The following SYNPO2 variants were observed in gnomAD, a reference collection of about 807,000 sequenced individuals.
SYNPO2 encodes synaptopodin-2.
Under a neutral mutation model 85.0 loss-of-function variants are expected in SYNPO2, and 56 were observed. The ratio of observed to expected loss-of-function variants is 0.66; its 90% CI spans 0.53 to 0.82. SYNPO2 has a LOEUF of 0.82. SYNPO2 is among the 40% of genes least tolerant of loss of function. The pLI is 0.00. For missense variants in SYNPO2, 1,575 were observed against 1,534.2 expected (o/e 1.03, Z -0.44); for synonymous variants, 602 against 591.1 (o/e 1.02, Z -0.27).
rs995268783 is a variant in SYNPO2 at position 118,968,471 on chromosome 4, T to C, written c.106-54959T>C. On this transcript the variant is annotated intron_variant, in intron 1 of 4. Coordinates refer to ENST00000307142, the MANE Select transcript of SYNPO2 (RefSeq NM_133477.3). ...GCTCCAGTCCACTCTCCCAACTCAG[T>C]AGGAAAAGTGAGTGACAGATTTTCT... 7.9e-5 allele frequency among the ~76,000 whole-genome samples: 12 copies of C among 152,260 alleles called. No individual in the cohort carries two copies. The East Asian group carries it at 1.4e-3, about 17-fold the overall frequency.
intron 4 of SYNPO2, among the ~76,000 whole-genome samples, chr4:119,057,055 G>C (rs1018634742): frequency 5.3e-5 from 8 of 152,186 alleles, no homozygotes; most frequent in Non-Finnish European, 1.2e-4. Context: ...GAGAAGGAAA[G>C]GTGGTTCCTA....
chr4:118,995,895 T>TATC (rs1553944835), intron 1 of SYNPO2, among the ~76,000 whole-genome samples: 90 of 148,886 alleles, frequency 6.0e-4, no homozygotes, highest in African/African-American at 2.2e-3. Flanking sequence ...TCTATCTATC[T>TATC]ATCTATCTAT....
rs142595771 is a variant in SYNPO2, at chr4:119,036,277, G to A, written c.3252+4250G>A. The A allele has an allele frequency of 4.8e-4, 472 of 985,398 alleles. 4 individuals are homozygous for A. The African/African-American group carries it at 7.4e-3, about 16-fold the overall frequency. 61.0% of individuals were successfully genotyped at this position (985,398 alleles called of 1,614,324 possible). A position where few individuals can be genotyped will look rare whatever the true frequency, so the allele number is the denominator to read the frequency against. ...CGTGTGCTCATTCTCTTTAAAATCA[G>A]GGTTGTTGAGTTTGTTTTTAAACAT... On this transcript the variant is annotated intron_variant, in intron 4 of 4. Coordinates refer to ENST00000307142, the MANE Select transcript of SYNPO2 (RefSeq NM_133477.3).
intron 1 of SYNPO2, among the ~76,000 whole-genome samples, chr4:118,879,012 T>C (rs6846781): frequency 0.66 from 100,174 of 152,044 alleles, 33,692 homozygotes; most frequent in East Asian, 0.72. Flanking sequence ...AGCGAGACCA[T>C]GAACCCACAG....
At chr4:119,012,334 C>T (rs1282527810) in intron 1 of SYNPO2, among the ~76,000 whole-genome samples, 5 of 148,806 alleles carry the variant, frequency 3.4e-5, no homozygotes, top group Admixed American at 3.3e-4. Flanking sequence ...TGGTTTTAGT[C>T]TTGCTCTTTT....
chr4:119,013,080 A>C (rs1033505588), intron 1 of SYNPO2, among the ~76,000 whole-genome samples: 1 of 152,164 alleles, frequency 6.6e-6, no homozygotes. Context: ...TAATTTTAGT[A>C]ATAATACTAA....
rs1428459753 is a variant in SYNPO2 at position 118,898,889 on chromosome 4, T to C, written c.105+9748T>C. On this transcript the variant is annotated intron_variant, in intron 1 of 4. Coordinates refer to ENST00000307142, the MANE Select transcript of SYNPO2 (RefSeq NM_133477.3). ...TCCTCCCTGGTTGCTTCATCCCTGC[T>C]GTGTCCTTGGCTGGAATGCTTGTCC... Among the ~76,000 whole-genome samples the C allele has an allele frequency of 2.6e-5, 4 of 152,256 alleles. No individual in the cohort carries two copies. In the East Asian group the frequency reaches 7.7e-4, roughly 29 times the overall value.
At chr4:118,991,708 G>A (rs997064543) in intron 1 of SYNPO2, among the ~76,000 whole-genome samples, 2 of 152,170 alleles carry the variant, frequency 1.3e-5, no homozygotes, top group East Asian at 3.9e-4. Flanking sequence ...GCAGAGCCAA[G>A]TAGAGACTCC....
At chr4:118,913,064 T>C (rs1733194525) in intron 1 of SYNPO2, among the ~76,000 whole-genome samples, 1 of 152,204 alleles carries the variant, frequency 6.6e-6, no homozygotes, top group Non-Finnish European at 1.5e-5. Context: ...TCAGTAAGCA[T>C]ATACTTACTG....
At chr4:119,056,227 G>A (rs541877006) in intron 4 of SYNPO2, among the ~76,000 whole-genome samples, 8 of 152,258 alleles carry the variant, frequency 5.3e-5, no homozygotes, top group African/African-American at 1.7e-4. Context: ...GGAGTAAAAG[G>A]AGAGAATGAG....
At chr4:118,982,560 G>C (rs529056479) in intron 1 of SYNPO2, among the ~76,000 whole-genome samples, 3 of 152,154 alleles carry the variant, frequency 2.0e-5, no homozygotes, top group Non-Finnish European at 4.4e-5. Context: ...AATCACTAGC[G>C]GTGGTCTCAG....
chr4:118,928,400 A>T (rs2149131864), intron 1 of SYNPO2, among the ~76,000 whole-genome samples: 1 of 152,318 alleles, frequency 6.6e-6, no homozygotes, highest in Admixed American at 6.5e-5. Context: ...CAACCTGCAT[A>T]TAAATTTGTG....
intron 4 of SYNPO2, among the ~76,000 whole-genome samples, chr4:119,046,301 A>C (rs897834150): frequency 6.6e-6 from 1 of 151,862 alleles, no homozygotes; most frequent in Non-Finnish European, 1.5e-5. Flanking sequence ...CATTACTTTT[A>C]TTCTTTTATA....
intron 4 of SYNPO2, among the ~76,000 whole-genome samples, chr4:119,055,161 T>TTTA (rs1739173600): frequency 1.3e-5 from 2 of 151,664 alleles, no homozygotes; most frequent in Middle Eastern, 3.4e-3. Context: ...TTATTTATTT[T>TTTA]TTTTTTTTGA....
chr4:119,054,410 C>T (rs1282933435), intron 4 of SYNPO2, among the ~76,000 whole-genome samples: 1 of 152,064 alleles, frequency 6.6e-6, no homozygotes, highest in Non-Finnish European at 1.5e-5. Flanking sequence ...TCTTGTCCGG[C>T]GTCCAGGAAG....
At chr4:118,925,618 A>G (rs766535298) in intron 1 of SYNPO2, among the ~76,000 whole-genome samples, 2 of 152,156 alleles carry the variant, frequency 1.3e-5, no homozygotes, top group African/African-American at 2.4e-5. Flanking sequence ...AACAACATTC[A>G]TTACCTTTAG....
Position 119,031,240 on chromosome 4 carries a change from T to G in SYNPO2, c.2465T>G (p.Leu822Trp), listed in dbSNP as rs565206988. The G allele has an allele frequency of 1.9e-6, 3 of 1,613,968 alleles. No individual in the cohort carries two copies. In the South Asian group the frequency reaches 3.3e-5, roughly 18 times the overall value. ...SYPPARPAST[L>W]NVAGPFKGPQ... ...CCTCCTGCCCGGCCTGCAAGTACTT[T>G]GAACGTGGCTGGTCCCTTCAAAGGA... The change falls in exon 4 of 5, where the codon TTG (leucine) becomes TGG (tryptophan). Residue 822 changes from leucine to tryptophan, a missense_variant. Physicochemically the swap from Leu to Trp is moderately conservative, Grantham distance 61. Coordinates refer to ENST00000307142, the MANE Select transcript of SYNPO2 (RefSeq NM_133477.3).
At chr4:118,998,022 C>T (rs1288907579) in intron 1 of SYNPO2, among the ~76,000 whole-genome samples, 5 of 152,132 alleles carry the variant, frequency 3.3e-5, no homozygotes, top group South Asian at 2.1e-4. Flanking sequence ...AGGAGAGGGG[C>T]GCTTCCTGGA....
chr4:118,876,679 T>TCCTTCCTTTC (rs1731922828), intron 1 of SYNPO2, among the ~76,000 whole-genome samples: 1 of 21,070 alleles, frequency 4.7e-5, no homozygotes, highest in African/African-American at 2.0e-4. Context: ...CTTTCTTTCT[T>TCCTTCCTTTC]TCTTTCTTTC....
Sources: allele counts gnomAD v4.1 joint callset (sites outside exome capture counted in the v4.1 genomes callset), GRCh38; gene constraint gnomAD v4.1.1; transcripts MANE v1.5; gene names NCBI Gene and HGNC (gene_info 2026-07-23, HGNC 2026-07-21).